The following BSPRY variants were observed in gnomAD, a reference collection of about 807,000 sequenced individuals.
BSPRY encodes B box and SPRY domain-containing protein.
Under a neutral mutation model 38.0 loss-of-function variants are expected in BSPRY, and 33 were observed. The ratio of observed to expected loss-of-function variants is 0.87; its 90% CI spans 0.66 to 1.16. BSPRY has a LOEUF of 1.16. Ranked by LOEUF, BSPRY falls within the 50% of genes most tolerant of loss-of-function variation. BSPRY has a pLI of 0.00. For synonymous variants in BSPRY, 224 were observed against 228.5 expected (o/e 0.98, Z 0.18); for missense variants, 523 against 533.2 (o/e 0.98, Z 0.19).
intron 2 of BSPRY, among the ~76,000 whole-genome samples, chr9:113,354,825 A>C (rs1327449740): frequency 6.6e-6 from 1 of 152,082 alleles, no homozygotes; most frequent in African/African-American, 2.4e-5. Flanking sequence ...CTCCTAGGCT[A>C]GTGCTCCTTC....
intron 2 of BSPRY, among the ~76,000 whole-genome samples, chr9:113,357,860 C>T (rs540505152): frequency 7.0e-5 from 9 of 128,216 alleles, no homozygotes; most frequent in Non-Finnish European, 1.3e-4. Context: ...CAGCATGACC[C>T]GGTACTGTGC....
intron 2 of BSPRY, 140 bp from the exon 3 acceptor site, chr9:113,360,367 A>C: frequency 3.8e-6 from 3 of 781,430 alleles, no homozygotes; most frequent in Non-Finnish European, 6.2e-6. Flanking sequence ...AAAGGCTTAC[A>C]TGCTATTATT....
intron 4 of BSPRY, among the ~76,000 whole-genome samples, chr9:113,364,965 A>T (rs1330273296): frequency 1.6e-4 from 22 of 133,384 alleles, no homozygotes; most frequent in Non-Finnish European, 2.6e-4. Context: ...TTTTTTTTTT[A>T]ACATTTTTAA....
intron 5 of BSPRY, 88 bp downstream of exon 5, chr9:113,368,471 C>A: frequency 1.3e-6 from 2 of 1,507,444 alleles, no homozygotes; most frequent in South Asian, 1.3e-5. Context: ...AATGGGGACC[C>A]GTGCTTCTGA....
intron 2 of BSPRY, among the ~76,000 whole-genome samples, chr9:113,357,810 G>C (rs1834083657): frequency 6.7e-6 from 1 of 149,018 alleles, no homozygotes; most frequent in Admixed American, 6.7e-5. Context: ...CTGGGCTCAA[G>C]TGATCCTGCT....
At chr9:113,362,882 G>T (rs1296692123) in intron 4 of BSPRY, among the ~76,000 whole-genome samples, 2 of 152,146 alleles carry the variant, frequency 1.3e-5, no homozygotes, top group African/African-American at 4.8e-5. Flanking sequence ...AGTAATAAAA[G>T]AATTTCACCA....
intron 2 of BSPRY, among the ~76,000 whole-genome samples, chr9:113,357,027 G>A (rs367738512): frequency 2.0e-5 from 3 of 152,204 alleles, no homozygotes; most frequent in Non-Finnish European, 2.9e-5. Flanking sequence ...ATTGAAAGCC[G>A]TGGGAGAGGA....
At chr9:113,357,918 A>C (rs1250414178) in intron 2 of BSPRY, among the ~76,000 whole-genome samples, 52 of 29,362 alleles carry the variant, frequency 1.8e-3, no homozygotes, top group East Asian at 2.6e-3. Context: ...ATATATATAT[A>C]TATATATATA....
At chr9:113,367,231 C>T (rs1005362161) in intron 4 of BSPRY, among the ~76,000 whole-genome samples, 1 of 152,176 alleles carries the variant, frequency 6.6e-6, no homozygotes, top group Admixed American at 6.5e-5. Flanking sequence ...CAGGTTATAG[C>T]AAAGTTGAGG....
At chr9:113,366,161 C>A (rs1180678937) in intron 4 of BSPRY, among the ~76,000 whole-genome samples, 2 of 152,120 alleles carry the variant, frequency 1.3e-5, no homozygotes, top group Non-Finnish European at 2.9e-5. Flanking sequence ...TTGCCCTCTC[C>A]CTTTCTACAT....
At chr9:113,364,045 G>T (rs1834203080) in intron 4 of BSPRY, among the ~76,000 whole-genome samples, 1 of 151,800 alleles carries the variant, frequency 6.6e-6, no homozygotes, top group Admixed American at 6.6e-5. Context: ...AATTAGCTAG[G>T]TGCGGTAGCG....
intron 1 of BSPRY, among the ~76,000 whole-genome samples, chr9:113,351,159 G>A (rs531422862): frequency 6.6e-6 from 1 of 152,302 alleles, no homozygotes; most frequent in African/African-American, 2.4e-5. Flanking sequence ...GGTGGAAAGA[G>A]TGAAGCCTCG....
chr9:113,360,683 C>A lies in BSPRY; in HGVS notation c.477C>A (p.Thr159=). 6.2e-7 allele frequency: 1 copy of A among 1,606,410 alleles called. No homozygotes were observed. Among genetic ancestry groups the A allele is most frequent in the Non-Finnish European group, 8.5e-7 (1 of 1,177,554 alleles). The change falls in exon 3 of 6, where the codon ACC becomes ACA. Residue 159 remains threonine, a synonymous_variant. Transcript: ENST00000374183. The part of the protein sequence containing the change: ...HWAEALQKLD[T]IRTGLVGMLT... ...CCGAGGCGCTGCAGAAACTTGACAC[C>A]ATCCGCACTGGCCTGGTGGGCATGC...
chr9:113,349,627 C>T lies in BSPRY; in HGVS notation c.48C>T (p.Pro16=), dbSNP rs1833935763. The T allele has an allele frequency of 2.5e-6, 3 of 1,206,496 alleles. 1 individual carries two copies. The highest frequency in any genetic ancestry group is 6.5e-4 in the Middle Eastern group (2 of 3,076). 74.7% of individuals were successfully genotyped at this position (1,206,496 alleles called of 1,614,324 possible). A position where few individuals can be genotyped will look rare whatever the true frequency, so the allele number is the denominator to read the frequency against. ...AEPGPGSGSG[P]GPGPLCPEHG... ...CGGGGCCGGGGTCCGGGTCCGGGCC[C>T]GGGCCGGGGCCACTCTGCCCCGAAC... Residue 16 remains proline (P), a synonymous_variant, in exon 1 of 6, where the codon CCC becomes CCT. Transcript: ENST00000374183.
At position 113,370,398 on chromosome 9, in the gene BSPRY, T is replaced by G; in HGVS notation, c.*256T>G. The stretch of plus-strand genomic sequence containing the variant: ...TGGGCCACATAAAATACACTAACGA[T>G]AGCTGATGAGCTAAAAAAAAAAAAA... On this transcript the variant is annotated 3_prime_UTR_variant, in exon 6 of 6. Transcript: ENST00000374183. The surrounding 1 kb of genome is among the most constrained non-coding windows in gnomAD (Gnocchi z 4.8). 2.9e-6 allele frequency: 1 copy of G among 342,618 alleles called. No homozygotes were observed. The allele number at this position is 342,618 out of a possible 1,614,324, so 21.2% of individuals were successfully genotyped here.
chr9:113,365,916 T>G (rs1343866711), intron 4 of BSPRY, among the ~76,000 whole-genome samples: 1 of 150,374 alleles, frequency 6.7e-6, no homozygotes, highest in Non-Finnish European at 1.5e-5. Flanking sequence ...GCGATTCTCC[T>G]GCCTCAGCCT....
rs1477753103 is a variant in BSPRY at position 113,370,109 on chromosome 9, T to C, written c.1176T>C (p.Ala392=). Residue 392 remains alanine (A), a synonymous_variant, in exon 6 of 6, where the codon GCT becomes GCC. Transcript: ENST00000374183. This position sits in a 1 kb window ranked among gnomAD's most constrained non-coding sequence, Gnocchi z 4.8. ...SFPGPLFPVF[A]VADQTISIVR is the part of the protein sequence containing the mutation. ...CGGGGCCCCTCTTCCCAGTCTTTGC[T>C]GTGGCCGATCAGACCATTTCTATCG... The C allele has an allele frequency of 1.9e-6, 3 of 1,598,484 alleles. No homozygotes were observed. The highest frequency in any genetic ancestry group is 1.7e-5 in the Admixed American group (1 of 58,014).
At chr9:113,356,512 A>AG (rs1834061810) in intron 2 of BSPRY, among the ~76,000 whole-genome samples, 1 of 151,586 alleles carries the variant, frequency 6.6e-6, no homozygotes, top group Admixed American at 6.6e-5. Flanking sequence ...TCAAAAAAAA[A>AG]AGAAAGAAAC....
chr9:113,369,316 C>T (rs1373269862), intron 5 of BSPRY, among the ~76,000 whole-genome samples: 8 of 152,120 alleles, frequency 5.3e-5, no homozygotes, highest in Admixed American at 4.6e-4. Flanking sequence ...CTCTCTGGGC[C>T]TTATTTCTAT....
Sources: allele counts gnomAD v4.1 joint callset (sites outside exome capture counted in the v4.1 genomes callset), GRCh38; gene constraint gnomAD v4.1.1; non-coding constraint Gnocchi (gnomAD v3.1); transcripts MANE v1.5; gene names NCBI Gene and HGNC (gene_info 2026-07-23, HGNC 2026-07-21).